TNRC18: variants seen among roughly 807,000 people sequenced by gnomAD.
TNRC18 encodes trinucleotide repeat-containing gene 18 protein.
Under a neutral mutation model 226.7 loss-of-function variants are expected in TNRC18, and 69 were observed. The observed-to-expected ratio is 0.30, with a 90% CI of 0.25 to 0.37. The LOEUF (loss-of-function observed/expected upper bound fraction) is 0.37, where lower values mean the gene tolerates loss of function less well. Among genes scored for constraint, TNRC18 ranks in the 10% least tolerant of loss-of-function variants. The pLI is 1.00. For missense variants in TNRC18, 4,754 were observed against 4,256.6 expected (o/e 1.12, Z -3.25); for synonymous variants, 2,449 against 1,927.6 (o/e 1.27, Z -7.09).
At chr7:5,400,829 C>T (rs542088223) in intron 2 of TNRC18, among the ~76,000 whole-genome samples, 5 of 152,142 alleles carry the variant, frequency 3.3e-5, no homozygotes, top group Non-Finnish European at 5.9e-5. Context: ...ATCACTTCAG[C>T]CCAGGAGTTC....
At chr7:5,364,439 C>G (rs761538244) in intron 11 of TNRC18, among the ~76,000 whole-genome samples, 13 of 145,268 alleles carry the variant, frequency 8.9e-5, no homozygotes, top group Non-Finnish European at 1.8e-4. Context: ...GCCTGGGCAA[C>G]AGAGCGAGCC....
At chr7:5,401,818 T>C (rs574915449) in intron 2 of TNRC18, among the ~76,000 whole-genome samples, 3 of 152,272 alleles carry the variant, frequency 2.0e-5, no homozygotes, top group South Asian at 2.1e-4. Flanking sequence ...CTGGGCACAG[T>C]GGCTCATGCC....
At chr7:5,395,108 C>T (rs998434834) in intron 2 of TNRC18, among the ~76,000 whole-genome samples, 3 of 152,204 alleles carry the variant, frequency 2.0e-5, no homozygotes, top group Non-Finnish European at 2.9e-5. Context: ...TAGCCAGCCC[C>T]GTGTGCCCAT....
At chr7:5,328,253 T>C (rs1789138682) in intron 19 of TNRC18, among the ~76,000 whole-genome samples, 1 of 151,984 alleles carries the variant, frequency 6.6e-6, no homozygotes. Context: ...CCAGGTGTGG[T>C]GGCTCACGCC....
intron 2 of TNRC18, among the ~76,000 whole-genome samples, chr7:5,418,437 A>G (rs188168147): frequency 6.4e-4 from 97 of 152,282 alleles, no homozygotes; most frequent in Middle Eastern, 6.8e-3. Flanking sequence ...ATGGCTGTCA[A>G]TACTAGCTTG....
chr7:5,352,571 G>A (rs934338963), intron 16 of TNRC18, among the ~76,000 whole-genome samples: 1 of 152,262 alleles, frequency 6.6e-6, no homozygotes, highest in African/African-American at 2.4e-5. Flanking sequence ...CCTCCCAGTG[G>A]CAGCACGAAA....
At chr7:5,420,998 A>G in intron 2 of TNRC18, 62 bp downstream of exon 2, 1 of 1,540,142 alleles carries the variant, frequency 6.5e-7, no homozygotes, top group Non-Finnish European at 8.8e-7. Context: ...GCACAGGAGG[A>G]CCCGGCCGAG....
chr7:5,411,248 AAGGGGG>A (rs1227404042), intron 2 of TNRC18, among the ~76,000 whole-genome samples: 1 of 151,276 alleles, frequency 6.6e-6, no homozygotes, highest in Non-Finnish European at 1.5e-5. Context: ...AAAGAAAAGG[AAGGGGG>A]AGGTGGGGAA....
At chr7:5,339,540 A>AGTGT (rs1562514144) in intron 18 of TNRC18, among the ~76,000 whole-genome samples, 13 of 95,412 alleles carry the variant, frequency 1.4e-4, no homozygotes, top group Non-Finnish European at 1.8e-4. Flanking sequence ...GTGCCCAGCC[A>AGTGT]ATGTGTGTGT....
At chr7:5,317,977 CTT>C (rs1431476182) in intron 24 of TNRC18, among the ~76,000 whole-genome samples, 1 of 151,808 alleles carries the variant, frequency 6.6e-6, no homozygotes, top group Non-Finnish European at 1.5e-5. Context: ...TCAGGTGATT[CTT>C]TCCTGCCTCA....
intron 2 of TNRC18, chr7:5,420,501 C>A (rs1210421094): frequency 4.5e-6 from 2 of 448,970 alleles, no homozygotes; most frequent in Non-Finnish European, 9.0e-6. Context: ...ATCCCGCCCG[C>A]CCCGAGGCCA....
rs1472925246 is a variant in TNRC18 at position 5,403,382 on chromosome 7, A to G, written c.188-8787T>C. On this transcript the variant is annotated intron_variant, in intron 2 of 29. Transcript: ENST00000430969. ...TCCATGTTGGTCAGGCTGGTCTCGA[A>G]CTCTCGACCTCAGGTGATCCGCCCG... is the stretch of plus-strand genomic sequence containing the variant. Among the ~76,000 whole-genome samples, 5 of 151,876 alleles carry G rather than the reference A, an allele frequency of 3.3e-5. No individual in the cohort carries two copies. In the South Asian group the frequency reaches 8.3e-4, roughly 25 times the overall value.
At chr7:5,396,498 C>T (rs1780701616) in intron 2 of TNRC18, among the ~76,000 whole-genome samples, 1 of 152,160 alleles carries the variant, frequency 6.6e-6, no homozygotes. Flanking sequence ...CACTGCACTC[C>T]AATCCAGGCG....
chr7:5,336,139 G>T (rs775714819), intron 18 of TNRC18, among the ~76,000 whole-genome samples: 1 of 151,242 alleles, frequency 6.6e-6, no homozygotes, highest in Non-Finnish European at 1.5e-5. Context: ...CCCAGGAGGC[G>T]GAGGTTGCCA....
In TNRC18 at chr7:5,394,649, G is replaced by A. The variant is rs1042215392; in HGVS notation, c.188-54C>T. On this transcript the variant is annotated intron_variant, in intron 2 of 29. Transcript: ENST00000430969. The surrounding 1 kb of genome is among the most constrained non-coding windows in gnomAD (Gnocchi z 4.5). ...GGCAGACAACCAGGGAGGCGCCGCC[G>A]CCCCAGCCCACCGCCCCGACCCACC... The A allele has an allele frequency of 7.8e-6, 11 of 1,411,954 alleles. No individual in the cohort carries two copies. Among genetic ancestry groups the A allele is most frequent in the Admixed American group, 4.7e-5 (2 of 42,286 alleles). 87.5% of individuals were successfully genotyped at this position (1,411,954 alleles called of 1,614,324 possible).
chr7:5,412,244 GAAAAAA>G (rs55864404), intron 2 of TNRC18, among the ~76,000 whole-genome samples: 2 of 71,888 alleles, frequency 2.8e-5, no homozygotes, highest in African/African-American at 3.2e-5. Flanking sequence ...AATTCCAAAT[GAAAAAA>G]AAAAAAAAAA....
chr7:5,345,901 T>TC, intron 17 of TNRC18, 91 bp from the exon 18 acceptor site: 1 of 1,455,694 alleles, frequency 6.9e-7, no homozygotes, highest in South Asian at 1.4e-5. Flanking sequence ...GCCTCTGGGC[T>TC]CCAGCCTAGT....
intron 2 of TNRC18, among the ~76,000 whole-genome samples, chr7:5,402,178 C>CAAAAAAAAAAAAAA (rs35794476): frequency 2.8e-5 from 2 of 71,336 alleles, no homozygotes; most frequent in Non-Finnish European, 2.5e-5. Context: ...GACTCTGTCT[C>CAAAAAAAAAAAAAA]AAAAAAAAAA....
rs1427815212 is a variant in TNRC18 at position 5,421,072 on chromosome 7, G to A, written c.175C>T (p.His59Tyr). The A allele has an allele frequency of 1.3e-6, 2 of 1,511,202 alleles. No homozygotes were observed. Among genetic ancestry groups the A allele is most frequent in the Non-Finnish European group, 1.8e-6 (2 of 1,119,510 alleles). The allele number at this position is 1,511,202 out of a possible 1,614,324, so 93.6% of individuals were successfully genotyped here. A position where few individuals can be genotyped will look rare whatever the true frequency, so the allele number is the denominator to read the frequency against. ...GCGGGGCACTTACCCGGGTGCGGAT[G>A]GAGATTCAGGCCGGCCATGTACTTC... ...PGKYMAGLNL[H>Y]PHPGEAFLGS... Residue 59 changes from histidine to tyrosine, a missense_variant, in exon 2 of 30, where the codon CAT becomes TAT. Coordinates refer to ENST00000430969, the MANE Select transcript of TNRC18 (RefSeq NM_001080495.3).
Sources: gnomAD v4.1 joint callset for allele counts (sites outside exome capture counted in the v4.1 genomes callset) on GRCh38, gnomAD v4.1.1 for gene constraint, Gnocchi (gnomAD v3.1) non-coding constraint, MANE v1.5 for transcripts, NCBI Gene and HGNC (gene_info 2026-07-23, HGNC 2026-07-21) for gene names.